The following ALMS1 variants were observed in gnomAD, a reference collection of about 807,000 sequenced individuals.
ALMS1 encodes centrosome-associated protein ALMS1.
A neutral mutation model predicts 352.2 loss-of-function variants in ALMS1; 271 were observed. The observed-to-expected ratio is 0.77, with a 90% CI of 0.70 to 0.85. ALMS1 has a LOEUF of 0.85. Ranked by LOEUF, ALMS1 falls within the 40% of genes least tolerant of loss-of-function variation. The probability of loss-of-function intolerance (pLI) is 0.00; values close to 1 mark genes in which losing one functional copy is unlikely to be tolerated. For missense variants in ALMS1, 5,445 were observed against 4,870.7 expected (o/e 1.12, Z -3.51); for synonymous variants, 1,865 against 1,761.2 (o/e 1.06, Z -1.48).
At chr2:73,463,458 A>C (rs1035040025) in intron 9 of ALMS1, among the ~76,000 whole-genome samples, 32 of 146,502 alleles carry the variant, frequency 2.2e-4, no homozygotes, top group African/African-American at 7.1e-4. Flanking sequence ...AGCAGTGTGT[A>C]GAGGGAAATT....
At chr2:73,558,927 A>G (rs772619942) in intron 14 of ALMS1, 45 bp from the exon 15 acceptor site, 2 of 1,601,672 alleles carry the variant, frequency 1.2e-6, no homozygotes, top group South Asian at 1.1e-5. Flanking sequence ...AAAATCTTTT[A>G]TGTCAAGTTC....
At chr2:73,533,029 G>T (rs1314532680) in intron 11 of ALMS1, among the ~76,000 whole-genome samples, 1 of 152,150 alleles carries the variant, frequency 6.6e-6, no homozygotes, top group Non-Finnish European at 1.5e-5. Context: ...CAGGAACTAG[G>T]TCATGGAATG....
At chr2:73,414,473 GTTT>G (rs61660489) in intron 2 of ALMS1, among the ~76,000 whole-genome samples, 55 of 66,450 alleles carry the variant, frequency 8.3e-4, no homozygotes, top group African/African-American at 2.0e-3. Flanking sequence ...CTTTTTTTCC[GTTT>G]TTTTTTTTTT....
intron 8 of ALMS1, 24 bp from the exon 9 acceptor site, chr2:73,455,138 C>T (rs1672033100): frequency 5.0e-6 from 8 of 1,612,134 alleles, no homozygotes; most frequent in Non-Finnish European, 6.8e-6. Flanking sequence ...ATTGTATTAT[C>T]TCAAGTGTAT....
chr2:73,449,781 A>G lies in ALMS1; in HGVS notation c.3254A>G (p.Gln1085Arg), dbSNP rs2103778150. ...KVSAFPGPADQMTDTPAVPST... is the reference protein window; with the variant it reads ...KVSAFPGPADRMTDTPAVPST... ...TCAGCCTTCCCTGGACCAGCTGACC[A>G]GATGACTGACACACCAGCAGTACCG... The change falls in exon 8 of 23, where the codon CAG (glutamine) becomes CGG (arginine). Residue 1085 changes from glutamine to arginine, a missense_variant. By Grantham distance (43) the Gln-to-Arg change is conservative. Transcript: ENST00000613296. 6.2e-7 allele frequency: 1 copy of G among 1,614,142 alleles called. No homozygotes were observed. Among genetic ancestry groups the G allele is most frequent in the Non-Finnish European group, 8.5e-7 (1 of 1,179,984 alleles).
intron 10 of ALMS1, among the ~76,000 whole-genome samples, chr2:73,507,021 A>G (rs1406419024): frequency 1.3e-5 from 2 of 152,174 alleles, no homozygotes; most frequent in Admixed American, 6.5e-5. Context: ...CCTTTTCTGC[A>G]TCTATTGAGA....
At chr2:73,547,085 A>G (rs1418285761) in intron 12 of ALMS1, among the ~76,000 whole-genome samples, 1 of 152,216 alleles carries the variant, frequency 6.6e-6, no homozygotes, top group Non-Finnish European at 1.5e-5. Flanking sequence ...AACTATATGA[A>G]CTATTTGATA....
chr2:73,510,612 G>C (rs774656477), intron 10 of ALMS1, among the ~76,000 whole-genome samples: 3 of 152,198 alleles, frequency 2.0e-5, no homozygotes, highest in Admixed American at 1.3e-4. Flanking sequence ...GCACCCGCCA[G>C]ATGCCAGCCA....
chr2:73,392,702 ATATTT>A (rs1670675445), intron 1 of ALMS1, among the ~76,000 whole-genome samples: 1 of 152,188 alleles, frequency 6.6e-6, no homozygotes, highest in South Asian at 2.1e-4. Context: ...TGGCTGAATA[ATATTT>A]TATTATATGG....
At chr2:73,506,384 G>C (rs1487221303) in intron 10 of ALMS1, among the ~76,000 whole-genome samples, 2 of 152,084 alleles carry the variant, frequency 1.3e-5, no homozygotes, top group Non-Finnish European at 2.9e-5. Context: ...TGGACAGTAT[G>C]GCCATTTCAC....
At chr2:73,579,473 G>A (rs542737579) in intron 16 of ALMS1, among the ~76,000 whole-genome samples, 1 of 151,840 alleles carries the variant, frequency 6.6e-6, no homozygotes, top group South Asian at 2.1e-4. Flanking sequence ...TGATTCTTCT[G>A]CCTCAGCCTC....
In ALMS1 at chr2:73,602,187, A is replaced by C. The variant is rs1016477755; in HGVS notation, c.12117A>C (p.Glu4039Asp). 2 of 1,613,716 alleles carry C rather than the reference A, an allele frequency of 1.2e-6. No individual in the cohort carries two copies. The highest frequency in any genetic ancestry group is 2.7e-5 in the African/African-American group (2 of 74,890). Residue 4039 changes from glutamate to aspartate, a missense_variant and splice_region_variant, in exon 20 of 23, where the codon GAA (glutamate) becomes GAC (aspartate). Glu to Asp is a conservative substitution (Grantham distance 45). Coordinates refer to ENST00000613296, the MANE Select transcript of ALMS1 (RefSeq NM_001378454.1). Reference protein sequence around the residue: ...LRPFVRATLQESLQFHRPDFI... With the variant: ...LRPFVRATLQDSLQFHRPDFI... ...TTTCTCTTTTTTTTTTCTTTTAGGA[A>C]TCGCTTCAGTTTCACAGACCTGACT...
At chr2:73,403,963 G>C (rs757376272) in intron 1 of ALMS1, among the ~76,000 whole-genome samples, 1 of 152,044 alleles carries the variant, frequency 6.6e-6, no homozygotes, top group Non-Finnish European at 1.5e-5. Context: ...GCAGTGGCTC[G>C]ATCCCTGCTC....
At chr2:73,416,732 T>C (rs193295911) in intron 2 of ALMS1, among the ~76,000 whole-genome samples, 1 of 152,348 alleles carries the variant, frequency 6.6e-6, no homozygotes, top group African/African-American at 2.4e-5. Flanking sequence ...ATTATATGTC[T>C]AAAGTTGCTG....
rs917280846 is a variant in ALMS1 at position 73,602,327 on chromosome 2, G to A, written c.12257G>A (p.Arg4086Gln). 14 of 1,614,064 alleles carry A rather than the reference G, an allele frequency of 8.7e-6. No homozygotes were observed. The highest frequency in any genetic ancestry group is 6.7e-5 in the African/African-American group (5 of 74,922). Residue 4086 changes from arginine to glutamine, a missense_variant, in exon 20 of 23, where the codon CGG becomes CAG. Arg to Gln is a conservative substitution (Grantham distance 43, BLOSUM62 1). Transcript: ENST00000613296. ...RDALFNIDRE[R>Q]QGHQNRMCPL... ...GCACTATTCAACATTGACAGGGAAC[G>A]GCAGGGCCACCAGAATCGCATGTGC... is the stretch of plus-strand genomic sequence containing the variant.
chr2:73,545,048 A>C (rs911440255), intron 12 of ALMS1, among the ~76,000 whole-genome samples: 40 of 152,122 alleles, frequency 2.6e-4, no homozygotes, highest in African/African-American at 9.7e-4. Context: ...GGAAGTTACT[A>C]TTTAATGGGT....
intron 11 of ALMS1, among the ~76,000 whole-genome samples, chr2:73,520,852 G>T: frequency 6.6e-6 from 1 of 152,070 alleles, no homozygotes; most frequent in Non-Finnish European, 1.5e-5. Context: ...CTTTTTTTGA[G>T]TAAGTAGCAG....
chr2:73,578,939 G>A (rs573004476), intron 16 of ALMS1, among the ~76,000 whole-genome samples: 2 of 151,674 alleles, frequency 1.3e-5, no homozygotes, highest in Admixed American at 1.3e-4. Context: ...TATACTTCAA[G>A]GTATTGTCAA....
rs544397329 is a variant in ALMS1 at position 73,469,345 on chromosome 2, C to T, written c.7674+14050C>T. 6.6e-5 allele frequency among the ~76,000 whole-genome samples: 10 copies of T among 151,850 alleles called. No individual in the cohort carries two copies. The East Asian group carries it at 1.5e-3, about 24-fold the overall frequency. On this transcript the variant is annotated intron_variant, in intron 9 of 22. Transcript: ENST00000613296. ...TTGAGCATTAAAATCTAGATTTGGA[C>T]CTTGGAAAAATTCCAAATCAGCAGA...
Sources: allele counts gnomAD v4.1 joint callset (sites outside exome capture counted in the v4.1 genomes callset), GRCh38; gene constraint gnomAD v4.1.1; transcripts MANE v1.5; gene names NCBI Gene and HGNC (gene_info 2026-07-23, HGNC 2026-07-21).